The following ZFPM2 variants were observed in gnomAD, a reference collection of about 807,000 sequenced individuals.
ZFPM2 encodes the protein zinc finger protein, FOG family member 2, also known as zinc finger protein ZFPM2.
A neutral mutation model predicts 98.6 loss-of-function variants in ZFPM2; 20 were observed. That is an observed-to-expected ratio of 0.20 (90% confidence interval 0.14 to 0.29). The LOEUF is 0.29. ZFPM2 is among the 10% of genes least tolerant of loss of function. The probability of loss-of-function intolerance (pLI) is 1.00; values close to 1 mark genes in which losing one functional copy is unlikely to be tolerated. For missense variants in ZFPM2, 1,310 were observed against 1,388.6 expected (o/e 0.94, Z 0.90); for synonymous variants, 518 against 502.7 (o/e 1.03, Z -0.41).
Position 105,646,495 on chromosome 8 carries a change from G to T in ZFPM2, c.532+12138G>T, listed in dbSNP as rs370002922. ...ACTCAGTTATGAAGGCTTCTGCGGG[G>T]TCCCCTTGGCCAGGAGGAGGTCTGT... On this transcript the variant is annotated intron_variant, in intron 5 of 7. Transcript: ENST00000407775. Among the ~76,000 whole-genome samples the T allele has an allele frequency of 5.3e-4, 80 of 152,232 alleles. No individual in the cohort carries two copies. In the South Asian group the frequency reaches 0.016, roughly 31 times the overall value.
chr8:105,366,274 C>A (rs557816984), intron 1 of ZFPM2, among the ~76,000 whole-genome samples: 1 of 152,228 alleles, frequency 6.6e-6, no homozygotes, highest in South Asian at 2.1e-4. Flanking sequence ...TTGGACTTTT[C>A]ATCTGTACTA....
chr8:105,600,655 TA>T (rs34035506), intron 4 of ZFPM2, among the ~76,000 whole-genome samples: 2 of 152,126 alleles, frequency 1.3e-5, no homozygotes, highest in African/African-American at 4.8e-5. Context: ...TTTATTTTTT[TA>T]AAATTGTTTA....
chr8:105,453,431 AG>A (rs1178699008), intron 3 of ZFPM2, among the ~76,000 whole-genome samples: 4 of 152,214 alleles, frequency 2.6e-5, no homozygotes, highest in African/African-American at 9.6e-5. Context: ...GACTTCTGTG[AG>A]GACCAATCAT....
intron 5 of ZFPM2, among the ~76,000 whole-genome samples, chr8:105,786,408 G>A (rs182382052): frequency 3.9e-5 from 6 of 152,236 alleles, no homozygotes; most frequent in Admixed American, 2.0e-4. Context: ...AAGCCATAGC[G>A]CCCAGCCTAG....
At chr8:105,534,276 T>TTCCC (rs200540748) in intron 3 of ZFPM2, among the ~76,000 whole-genome samples, 16,405 of 38,668 alleles carry the variant, frequency 0.42, 4,021 homozygotes, top group African/African-American at 0.54. Flanking sequence ...CCTTCCTTCT[T>TTCCC]TCCCTCCCTC....
chr8:105,658,816 G>A (rs1306251554), intron 5 of ZFPM2, among the ~76,000 whole-genome samples: 4 of 151,998 alleles, frequency 2.6e-5, no homozygotes, highest in African/African-American at 9.7e-5. Flanking sequence ...AAGCAATAGA[G>A]CTATCTTAAA....
intron 4 of ZFPM2, among the ~76,000 whole-genome samples, chr8:105,574,853 G>A (rs1563726230): frequency 6.6e-6 from 1 of 150,616 alleles, no homozygotes; most frequent in South Asian, 2.1e-4. Flanking sequence ...CAGCATATTA[G>A]TGCATTTAAA....
At chr8:105,559,676 G>A (rs1815085927) in intron 3 of ZFPM2, among the ~76,000 whole-genome samples, 1 of 151,946 alleles carries the variant, frequency 6.6e-6, no homozygotes, top group South Asian at 2.1e-4. Flanking sequence ...TTCAGGATAA[G>A]CAATAATGAA....
At chr8:105,350,829 A>T (rs1174612168) in intron 1 of ZFPM2, among the ~76,000 whole-genome samples, 1 of 152,110 alleles carries the variant, frequency 6.6e-6, no homozygotes, top group Non-Finnish European at 1.5e-5. Context: ...GTCCTCCTTC[A>T]GTATCTGTGG....
rs1283238214 is a variant in ZFPM2, at chr8:105,788,618, G to A, written c.533-100G>A. ...AAACACTCCACTCCAGTAGAAACCA[G>A]TGTGAAAAACATGAGAAGGTGCTAT... On this transcript the variant is annotated intron_variant, in intron 5 of 7. Coordinates refer to ENST00000407775, the MANE Select transcript of ZFPM2 (RefSeq NM_012082.4). 2.1e-5 allele frequency: 24 copies of A among 1,170,560 alleles called. No individual in the cohort carries two copies. The Middle Eastern group carries it at 2.6e-3, about 125-fold the overall frequency. 72.5% of individuals were successfully genotyped at this position (1,170,560 alleles called of 1,614,324 possible). A position where few individuals can be genotyped will look rare whatever the true frequency, so the allele number is the denominator to read the frequency against.
intron 6 of ZFPM2, among the ~76,000 whole-genome samples, chr8:105,794,293 A>G (rs1045976894): frequency 2.6e-5 from 4 of 152,288 alleles, no homozygotes; most frequent in African/African-American, 9.6e-5. Flanking sequence ...CCTTCTAACA[A>G]ACAGACAGGA....
At chr8:105,321,338 A>G (rs557600869) in intron 1 of ZFPM2, among the ~76,000 whole-genome samples, 80 of 152,340 alleles carry the variant, frequency 5.3e-4, no homozygotes, top group Admixed American at 5.2e-3. Flanking sequence ...TTCTATTACA[A>G]ACAACACTGT....
At chr8:105,608,889 T>G (rs901020180) in intron 4 of ZFPM2, among the ~76,000 whole-genome samples, 1 of 152,030 alleles carries the variant, frequency 6.6e-6, no homozygotes, top group African/African-American at 2.4e-5. Context: ...ACATTAACTA[T>G]TTTTTTAATT....
chr8:105,657,429 G>A (rs182015753), intron 5 of ZFPM2, among the ~76,000 whole-genome samples: 1 of 152,222 alleles, frequency 6.6e-6, no homozygotes, highest in East Asian at 1.9e-4. Context: ...GTGAGCCATC[G>A]CACCTGGCCG....
chr8:105,798,914 T>G lies in ZFPM2; in HGVS notation c.930T>G (p.Ala310=), dbSNP rs778059220. Residue 310 remains alanine, a synonymous_variant, in exon 7 of 8, where the codon GCT becomes GCG. Transcript: ENST00000407775. ...FPQCTKSFSN[A]RALEMHLNSH... is the part of the protein sequence containing the mutation. ...AGTGCACCAAGAGCTTTTCAAATGCTCGAGCTCTAGAAATGCACCTGAATT... is the reference window on the plus strand; with the variant it reads ...AGTGCACCAAGAGCTTTTCAAATGCGCGAGCTCTAGAAATGCACCTGAATT... 6 of 1,613,948 alleles carry G rather than the reference T, an allele frequency of 3.7e-6. No individual in the cohort carries two copies. The highest frequency in any genetic ancestry group is 1.3e-5 in the African/African-American group (1 of 75,032).
intron 3 of ZFPM2, among the ~76,000 whole-genome samples, chr8:105,517,707 C>CCACACACACACACACACACACACACA (rs1554613621): frequency 2.4e-5 from 3 of 124,980 alleles, no homozygotes; most frequent in Admixed American, 8.2e-5. Flanking sequence ...CACACACACA[C>CCACACACACACACACACACACACACA]CACACACACA....
chr8:105,621,743 ATCTC>A (rs918194759), intron 4 of ZFPM2, among the ~76,000 whole-genome samples: 1 of 152,190 alleles, frequency 6.6e-6, no homozygotes, highest in Non-Finnish European at 1.5e-5. Flanking sequence ...CTCATATTTC[ATCTC>A]TCTATCCTTG....
At position 105,557,880 on chromosome 8, in the gene ZFPM2, T is replaced by A. The variant is rs1255310409; in HGVS notation, c.302-3483T>A. On this transcript the variant is annotated intron_variant, in intron 3 of 7. Coordinates refer to ENST00000407775, the MANE Select transcript of ZFPM2 (RefSeq NM_012082.4). ...TCTGTGACCCACCAGCCCAGTGCCC[T>A]TCTACTTCTCATAATATGTTGTATG... Among the ~76,000 whole-genome samples, 3 of 152,294 alleles carry A rather than the reference T, an allele frequency of 2.0e-5. No homozygotes were observed. The East Asian group carries it at 5.8e-4, about 29-fold the overall frequency.
intron 1 of ZFPM2, among the ~76,000 whole-genome samples, chr8:105,352,991 G>A (rs1563617268): frequency 6.6e-6 from 1 of 152,066 alleles, no homozygotes; most frequent in Non-Finnish European, 1.5e-5. Context: ...TAAATGTGTT[G>A]TATAGGCTTT....
Sources: gnomAD v4.1 joint callset for allele counts (sites outside exome capture counted in the v4.1 genomes callset) on GRCh38, gnomAD v4.1.1 for gene constraint, MANE v1.5 for transcripts, NCBI Gene and HGNC (gene_info 2026-07-23, HGNC 2026-07-21) for gene names.